Variants in CCDC69 observed in about 807,000 individuals in gnomAD.
The protein encoded by CCDC69 is coiled-coil domain-containing protein 69.
Under a neutral mutation model 40.3 loss-of-function variants are expected in CCDC69, and 38 were observed. That is an observed-to-expected ratio of 0.94 (90% CI 0.73 to 1.24). The LOEUF is 1.24. Ranked by LOEUF, CCDC69 falls within the 50% of genes most tolerant of loss-of-function variation. The pLI is 0.00. For missense variants in CCDC69, 389 were observed against 357.9 expected, an observed-to-expected ratio of 1.09 and a Z score of -0.70; for synonymous variants, 141 against 138.9, an observed-to-expected ratio of 1.02 and a Z score of -0.11.
At chr5:151,208,145 G>GGAGGCT (rs1367879034) in intron 1 of CCDC69, among the ~76,000 whole-genome samples, 2 of 152,230 alleles carry the variant, frequency 1.3e-5, no homozygotes, top group East Asian at 3.9e-4. Context: ...CAACTACTCA[G>GGAGGCT]GAGGCTGAGG....
intron 4 of CCDC69, among the ~76,000 whole-genome samples, chr5:151,189,462 T>G (rs1484719154): frequency 6.8e-6 from 1 of 148,032 alleles, no homozygotes; most frequent in Non-Finnish European, 1.5e-5. Flanking sequence ...AAAAAAAGAT[T>G]AGAAAAAAAA....
intron 4 of CCDC69, among the ~76,000 whole-genome samples, chr5:151,193,594 A>G (rs1752653496): frequency 6.6e-6 from 1 of 151,968 alleles, no homozygotes; most frequent in African/African-American, 2.4e-5. Context: ...GAGAGAGAGA[A>G]AGAAAGACCA....
chr5:151,203,407 G>T (rs1752803522), intron 2 of CCDC69, among the ~76,000 whole-genome samples: 1 of 151,478 alleles, frequency 6.6e-6, no homozygotes, highest in South Asian at 2.1e-4. Context: ...CTACTCGGGA[G>T]GCTGAAGCAG....
intron 4 of CCDC69, among the ~76,000 whole-genome samples, chr5:151,195,735 A>C (rs923886463): frequency 6.6e-6 from 1 of 150,380 alleles, no homozygotes; most frequent in South Asian, 2.1e-4. Context: ...AAAAAAAAAA[A>C]AAAACACGCA....
chr5:151,208,238 G>T (rs2113997993), intron 1 of CCDC69, among the ~76,000 whole-genome samples: 1 of 152,288 alleles, frequency 6.6e-6, no homozygotes, highest in Middle Eastern at 3.4e-3. Context: ...GCAATAGAGT[G>T]AGACTCTGTC....
At position 151,186,044 on chromosome 5, in the gene CCDC69, T is replaced by G; in HGVS notation, c.474A>C (p.Arg158=). The G allele has an allele frequency of 6.2e-7, 1 of 1,613,920 alleles. No homozygotes were observed. Among genetic ancestry groups the G allele is most frequent in the Non-Finnish European group, 8.5e-7 (1 of 1,179,862 alleles). ...MKRVEESILS[R]NYKKHIQDYG... ...CTACCTGGATATGTTTCTTATAGTTTCGGCTCAGAATGGACTCCTCCACCC... is the reference window on the plus strand; with the variant it reads ...CTACCTGGATATGTTTCTTATAGTTGCGGCTCAGAATGGACTCCTCCACCC... The change falls in exon 6 of 9, where the codon CGA becomes CGC. Residue 158 remains arginine (R), a synonymous_variant. Coordinates refer to ENST00000355417, the MANE Select transcript of CCDC69 (RefSeq NM_015621.3).
chr5:151,182,992 T>C lies in CCDC69; in HGVS notation c.*445A>G, dbSNP rs1766665734. ...TCCCCCCACCATTTTAATGCAGGGG[T>C]AAACTGAGGCTCTGAGCAGGCCAGG... On this transcript the variant is annotated 3_prime_UTR_variant, in exon 9 of 9. Coordinates refer to ENST00000355417, the MANE Select transcript of CCDC69 (RefSeq NM_015621.3). 3 of 456,460 alleles carry C rather than the reference T, an allele frequency of 6.6e-6. No individual in the cohort carries two copies. Among genetic ancestry groups the C allele is most frequent in the Non-Finnish European group, 1.3e-5 (3 of 227,042 alleles). The allele number at this position is 456,460 out of a possible 1,614,324, so 28.3% of individuals were successfully genotyped here.
intron 1 of CCDC69, among the ~76,000 whole-genome samples, chr5:151,220,947 G>A (rs1213165458): frequency 1.3e-5 from 2 of 152,078 alleles, no homozygotes; most frequent in Non-Finnish European, 2.9e-5. Context: ...AGTCCTCCTG[G>A]GGGATGTGAC....
In CCDC69 at chr5:151,182,837, AC is replaced by A. The variant is rs1456613542; in HGVS notation, c.*599del. On this transcript the variant is annotated 3_prime_UTR_variant, in exon 9 of 9. Coordinates refer to ENST00000355417, the MANE Select transcript of CCDC69 (RefSeq NM_015621.3). The stretch of plus-strand genomic sequence containing the variant: ...CTGTCAGCCCCAAGGGCCTTCAGAG[AC>A]CCCCTCTCTACCACTCACCTTCCCC... 2 of 349,638 alleles carry A rather than the reference AC, an allele frequency of 5.7e-6. No homozygotes were observed. The highest frequency in any genetic ancestry group is 2.2e-5 in the African/African-American group (1 of 46,346). 21.7% of individuals were successfully genotyped at this position (349,638 alleles called of 1,614,324 possible). A position where few individuals can be genotyped will look rare whatever the true frequency, so the allele number is the denominator to read the frequency against.
chr5:151,205,154 T>A (rs1752834963), intron 2 of CCDC69, among the ~76,000 whole-genome samples: 2 of 152,150 alleles, frequency 1.3e-5, no homozygotes. Context: ...AATTTTTTTC[T>A]GGATTCCTCT....
intron 4 of CCDC69, among the ~76,000 whole-genome samples, chr5:151,194,450 C>T (rs1168474159): frequency 5.3e-5 from 8 of 152,098 alleles, no homozygotes; most frequent in Admixed American, 3.9e-4. Context: ...ATGTAATAGC[C>T]TAGAAAAGAC....
chr5:151,208,778 A>T (rs1384532664), intron 1 of CCDC69, among the ~76,000 whole-genome samples: 1 of 152,266 alleles, frequency 6.6e-6, no homozygotes, highest in African/African-American at 2.4e-5. Context: ...TATGGGAGCC[A>T]GAAGGCCTAG....
chr5:151,196,275 C>T (rs1752698346), intron 4 of CCDC69, among the ~76,000 whole-genome samples: 1 of 152,172 alleles, frequency 6.6e-6, no homozygotes, highest in Non-Finnish European at 1.5e-5. Flanking sequence ...CCTCAGCCTC[C>T]TCAGTATCCT....
chr5:151,198,843 C>G (rs367657523), intron 4 of CCDC69, 154 bp downstream of exon 4: 1 of 616,206 alleles, frequency 1.6e-6, no homozygotes, highest in Admixed American at 2.6e-5. Context: ...GTCCATCAAC[C>G]CTCTAGGGCC....
intron 1 of CCDC69, among the ~76,000 whole-genome samples, chr5:151,212,516 A>G (rs993231356): frequency 6.6e-6 from 1 of 152,246 alleles, no homozygotes; most frequent in Non-Finnish European, 1.5e-5. Flanking sequence ...GAGTCAGGGT[A>G]GAATGAGAAG....
intron 1 of CCDC69, among the ~76,000 whole-genome samples, chr5:151,213,478 T>C (rs1752983057): frequency 6.6e-6 from 1 of 151,796 alleles, no homozygotes; most frequent in South Asian, 2.1e-4. Flanking sequence ...GGTCTCAATC[T>C]CCTGACCTAG....
intron 1 of CCDC69, among the ~76,000 whole-genome samples, chr5:151,206,020 C>T (rs1453469610): frequency 1.3e-5 from 2 of 152,170 alleles, no homozygotes; most frequent in Admixed American, 1.3e-4. Flanking sequence ...TGGGTGTCCT[C>T]TAATTCAATT....
rs760907351 is a variant in CCDC69, at chr5:151,183,452, A to G, written c.876T>C (p.Ser292=). Residue 292 remains serine (S), a synonymous_variant, in exon 9 of 9, where the codon TCT becomes TCC. Coordinates refer to ENST00000355417, the MANE Select transcript of CCDC69 (RefSeq NM_015621.3). ...PLAPVTPTEV[S]FLAT is the part of the protein sequence containing the mutation. ...GCCCTGCACCCTATGTGGCGAGGAA[A>G]GAGACCTCAGTGGGAGTGACAGGGG... 3.1e-6 allele frequency: 5 copies of G among 1,603,546 alleles called. No individual in the cohort carries two copies. The East Asian group carries it at 1.1e-4, about 36-fold the overall frequency.
At chr5:151,203,825 GTA>G (rs1331036474) in intron 2 of CCDC69, among the ~76,000 whole-genome samples, 3 of 115,802 alleles carry the variant, frequency 2.6e-5, no homozygotes, top group East Asian at 4.3e-4. Flanking sequence ...CGTATATATA[GTA>G]TATATATAAA....
Sources: gnomAD v4.1 joint callset for allele counts (sites outside exome capture counted in the v4.1 genomes callset) on GRCh38, gnomAD v4.1.1 for gene constraint, MANE v1.5 for transcripts, NCBI Gene and HGNC (gene_info 2026-07-23, HGNC 2026-07-21) for gene names.